The following LOC128462377 variants were observed in gnomAD, a reference collection of about 807,000 sequenced individuals.
At chr16:89,324,684 A>G in the LOC128462377 span, 199,900 of 350,076 alleles carry the variant, frequency 0.57, 58,282 homozygotes, top group Middle Eastern at 0.69. Flanking sequence ...CCTGCCCTCG[A>G]ACATCAGACT....
At chr16:89,408,410 G>A in the LOC128462377 span, among the ~76,000 whole-genome samples, 1 of 152,262 alleles carries the variant, frequency 6.6e-6, no homozygotes, top group Non-Finnish European at 1.5e-5. Context: ...GGGCAGAGGA[G>A]GAAGAGGATG....
the LOC128462377 span, among the ~76,000 whole-genome samples, chr16:89,368,218 C>G: frequency 1.3e-5 from 2 of 151,066 alleles, no homozygotes; most frequent in African/African-American, 2.4e-5. Context: ...TTTTTTGATA[C>G]AGATTCTTGC....
At chr16:89,387,177 C>T in the LOC128462377 span, among the ~76,000 whole-genome samples, 3 of 151,676 alleles carry the variant, frequency 2.0e-5, no homozygotes, top group Admixed American at 6.6e-5. Context: ...AGAAGGCCCA[C>T]TAAGGACACT....
the LOC128462377 span, among the ~76,000 whole-genome samples, chr16:89,322,119 A>G: frequency 1.3e-5 from 2 of 152,194 alleles, no homozygotes; most frequent in African/African-American, 4.8e-5. Flanking sequence ...GGGAAAGTTA[A>G]AAGTTCTACA....
the LOC128462377 span, among the ~76,000 whole-genome samples, chr16:89,322,691 G>C: frequency 6.6e-6 from 1 of 152,188 alleles, no homozygotes; most frequent in African/African-American, 2.4e-5. Flanking sequence ...GGTGGGGAAG[G>C]GGGAGTGAGG....
the LOC128462377 span, among the ~76,000 whole-genome samples, chr16:89,408,912 G>C: frequency 3.3e-5 from 5 of 152,188 alleles, no homozygotes; most frequent in African/African-American, 4.8e-5. Context: ...CAGACCTTAG[G>C]AGTTACTGGG....
the LOC128462377 span, among the ~76,000 whole-genome samples, chr16:89,367,448 C>T: frequency 1.3e-5 from 2 of 152,146 alleles, no homozygotes; most frequent in African/African-American, 2.4e-5. Context: ...CTCAAACGAC[C>T]GGGAGTCTCA....
At chr16:89,347,141 G>A in the LOC128462377 span, among the ~76,000 whole-genome samples, 5 of 152,172 alleles carry the variant, frequency 3.3e-5, no homozygotes, top group African/African-American at 1.2e-4. Context: ...GGCATCAGAG[G>A]AAGCAGCAAG....
chr16:89,402,476 T>A, the LOC128462377 span, among the ~76,000 whole-genome samples: 2 of 151,904 alleles, frequency 1.3e-5, no homozygotes, highest in South Asian at 4.2e-4. Context: ...CTCCAAGAGT[T>A]CAAGAGCATC....
chr16:89,326,068 A>C, the LOC128462377 span, among the ~76,000 whole-genome samples: 776 of 152,378 alleles, frequency 5.1e-3, 6 homozygotes, highest in African/African-American at 0.018. Flanking sequence ...AGGAGGAGCA[A>C]GGAAAATGCT....
At chr16:89,355,032 A>G in the LOC128462377 span, among the ~76,000 whole-genome samples, 1 of 152,230 alleles carries the variant, frequency 6.6e-6, no homozygotes, top group East Asian at 1.9e-4. Flanking sequence ...AGATGCAGGA[A>G]GGAAACGCCA....
At chr16:89,410,861 A>T in the LOC128462377 span, among the ~76,000 whole-genome samples, 1 of 152,170 alleles carries the variant, frequency 6.6e-6, no homozygotes, top group South Asian at 2.1e-4. Context: ...AGGGCAAGAC[A>T]GAAACCACAT....
chr16:89,416,709 T>C, the LOC128462377 span, among the ~76,000 whole-genome samples: 19 of 151,370 alleles, frequency 1.3e-4, no homozygotes, highest in African/African-American at 3.9e-4. Flanking sequence ...GCAGGAGGAT[T>C]GCTTGAGAGC....
chr16:89,367,881 G>A, the LOC128462377 span, among the ~76,000 whole-genome samples: 1 of 152,074 alleles, frequency 6.6e-6, no homozygotes, highest in Non-Finnish European at 1.5e-5. Context: ...TGGTGTGCTT[G>A]TGGTACCGGC....
At chr16:89,325,274 C>T in the LOC128462377 span, among the ~76,000 whole-genome samples, 6 of 152,094 alleles carry the variant, frequency 3.9e-5, no homozygotes, top group Non-Finnish European at 7.3e-5. Context: ...CCTGTCTCTA[C>T]GAAAAGTTTA....
At chr16:89,414,111 GGCGCACGATCGCACCT>G in the LOC128462377 span, among the ~76,000 whole-genome samples, 5 of 152,182 alleles carry the variant, frequency 3.3e-5, no homozygotes, top group Admixed American at 3.3e-4. Flanking sequence ...GGGACACTGA[GGCGCACGATCGCACCT>G]GCCTTACAAG....
the LOC128462377 span, among the ~76,000 whole-genome samples, chr16:89,335,707 G>A: frequency 2.0e-5 from 3 of 152,190 alleles, no homozygotes; most frequent in Non-Finnish European, 4.4e-5. Flanking sequence ...GAGCGCCCAG[G>A]GGCCTGCAAA....
chr16:89,327,273 G>A, the LOC128462377 span, among the ~76,000 whole-genome samples: 2 of 152,216 alleles, frequency 1.3e-5, no homozygotes, highest in South Asian at 2.1e-4. Flanking sequence ...CAAAACTCAC[G>A]ATAAAAATTC....
chr16:89,338,875 CTTGGAGCA>C, the LOC128462377 span, among the ~76,000 whole-genome samples: 8 of 152,028 alleles, frequency 5.3e-5, no homozygotes, highest in African/African-American at 1.7e-4. Flanking sequence ...CAAATGAATA[CTTGGAGCA>C]AAATAAGCCT....
Sources: gnomAD v4.1 joint callset for allele counts (sites outside exome capture counted in the v4.1 genomes callset) on GRCh38, gnomAD v4.1.1 for gene constraint, MANE v1.5 for transcripts.